The following CDK17 variants were observed in gnomAD, a reference collection of about 807,000 sequenced individuals.
CDK17 encodes cyclin dependent kinase 17, also known as cyclin-dependent kinase 17.
CDK17 carries 24 observed loss-of-function variants against 77.6 expected under a neutral mutation model. The observed-to-expected ratio is 0.31, with a 90% CI of 0.22 to 0.44. CDK17 has a LOEUF of 0.44. Among genes scored for constraint, CDK17 ranks in the 20% least tolerant of loss-of-function variants. The pLI is 1.00. For missense variants in CDK17, 429 were observed against 622.5 expected (o/e 0.69, Z 3.31); for synonymous variants, 203 against 210.4 (o/e 0.96, Z 0.30).
chr12:96,392,163 T>C (rs529246186), intron 1 of CDK17, among the ~76,000 whole-genome samples: 193 of 152,326 alleles, frequency 1.3e-3, no homozygotes, highest in African/African-American at 4.6e-3. Flanking sequence ...AAATACTATA[T>C]AGCAGAACCA....
At chr12:96,371,628 A>C (rs1264942471) in intron 1 of CDK17, among the ~76,000 whole-genome samples, 3 of 152,150 alleles carry the variant, frequency 2.0e-5, no homozygotes, top group Non-Finnish European at 4.4e-5. Context: ...GCTACTCAGG[A>C]GGCTGAGGCA....
chr12:96,284,248 A>T (rs1011828892), intron 13 of CDK17, among the ~76,000 whole-genome samples: 1 of 152,130 alleles, frequency 6.6e-6, no homozygotes, highest in Non-Finnish European at 1.5e-5. Flanking sequence ...AGGCGGGTGG[A>T]TCACGAGGTC....
chr12:96,360,644 T>C (rs1953478792), intron 1 of CDK17, among the ~76,000 whole-genome samples: 1 of 152,152 alleles, frequency 6.6e-6, no homozygotes, highest in South Asian at 2.1e-4. Flanking sequence ...ACATCAGCAC[T>C]GGCCTCAAGA....
At chr12:96,369,109 A>G (rs1271393443) in intron 1 of CDK17, among the ~76,000 whole-genome samples, 2 of 152,168 alleles carry the variant, frequency 1.3e-5, no homozygotes, top group African/African-American at 4.8e-5. Context: ...CAACTAACTC[A>G]GGACCAGTCC....
chr12:96,343,210 A>G (rs768989201), intron 1 of CDK17, among the ~76,000 whole-genome samples: 1 of 152,250 alleles, frequency 6.6e-6, no homozygotes, highest in African/African-American at 2.4e-5. Flanking sequence ...AACAACAAGA[A>G]TCAACTATCT....
chr12:96,298,619 C>T (rs536190838), intron 7 of CDK17, among the ~76,000 whole-genome samples: 1 of 152,148 alleles, frequency 6.6e-6, no homozygotes, highest in South Asian at 2.1e-4. Context: ...CCTCATGTAC[C>T]AATGTATAAC....
chr12:96,351,952 T>G (rs1340503778), intron 1 of CDK17, among the ~76,000 whole-genome samples: 4 of 152,110 alleles, frequency 2.6e-5, no homozygotes, highest in Admixed American at 1.3e-4. Flanking sequence ...AAAATCATAG[T>G]TTTTTAAACT....
chr12:96,355,802 G>C (rs1449487491), intron 1 of CDK17, among the ~76,000 whole-genome samples: 1 of 152,142 alleles, frequency 6.6e-6, no homozygotes, highest in Non-Finnish European at 1.5e-5. Context: ...TCAGCATTTA[G>C]AACAAATCCT....
intron 3 of CDK17, among the ~76,000 whole-genome samples, chr12:96,316,249 G>A (rs984023448): frequency 4.4e-4 from 67 of 152,240 alleles, no homozygotes; most frequent in African/African-American, 1.5e-3. Flanking sequence ...TTGTCAGACC[G>A]GCTTAAAAAA....
chr12:96,336,423 C>A (rs2137146036), intron 1 of CDK17, among the ~76,000 whole-genome samples: 1 of 152,254 alleles, frequency 6.6e-6, no homozygotes, highest in East Asian at 1.9e-4. Flanking sequence ...TACAAATGTG[C>A]CACTGCACTC....
At chr12:96,293,087 T>C (rs1952348308) in intron 10 of CDK17, among the ~76,000 whole-genome samples, 1 of 152,224 alleles carries the variant, frequency 6.6e-6, no homozygotes, top group African/African-American at 2.4e-5. Flanking sequence ...TATTATTTTC[T>C]CTTTAAAAAC....
intron 1 of CDK17, among the ~76,000 whole-genome samples, chr12:96,345,137 G>A (rs1953184837): frequency 6.6e-6 from 1 of 152,152 alleles, no homozygotes; most frequent in African/African-American, 2.4e-5. Flanking sequence ...CCTTAACCAT[G>A]TCCCTGCAAA....
At chr12:96,287,932 C>G (rs985821225) in intron 11 of CDK17, among the ~76,000 whole-genome samples, 2 of 152,076 alleles carry the variant, frequency 1.3e-5, no homozygotes, top group Non-Finnish European at 2.9e-5. Flanking sequence ...ACACACACTG[C>G]ATGATTCTAC....
At chr12:96,317,243 A>G (rs1952744040) in intron 3 of CDK17, among the ~76,000 whole-genome samples, 1 of 149,434 alleles carries the variant, frequency 6.7e-6, no homozygotes, top group Admixed American at 6.7e-5. Flanking sequence ...AGGGAAGTTT[A>G]GAGAAAAAAG....
intron 1 of CDK17, among the ~76,000 whole-genome samples, chr12:96,395,690 G>C (rs188493345): frequency 4.6e-5 from 7 of 152,306 alleles, no homozygotes; most frequent in Admixed American, 3.9e-4. Flanking sequence ...ATGGCTATTA[G>C]AGGTGGACCT....
intron 3 of CDK17, among the ~76,000 whole-genome samples, chr12:96,316,485 G>A (rs1565816708): frequency 6.7e-6 from 1 of 148,792 alleles, no homozygotes; most frequent in East Asian, 2.1e-4. Flanking sequence ...GCCTTTGTAG[G>A]CTCCACCTCT....
At chr12:96,316,635 T>G (rs1952724857) in intron 3 of CDK17, among the ~76,000 whole-genome samples, 1 of 132,296 alleles carries the variant, frequency 7.6e-6, no homozygotes, top group Non-Finnish European at 1.6e-5. Context: ...CCTCCTCAAG[T>G]GGGTCCCTGA....
intron 1 of CDK17, among the ~76,000 whole-genome samples, chr12:96,359,608 T>C (rs188815528): frequency 1.6e-4 from 25 of 152,324 alleles, no homozygotes; most frequent in Admixed American, 1.2e-3. Flanking sequence ...ATTCCTATCA[T>C]ATTCCCAAGA....
intron 1 of CDK17, among the ~76,000 whole-genome samples, chr12:96,341,527 A>G (rs1212042390): frequency 6.6e-6 from 1 of 152,244 alleles, no homozygotes; most frequent in Admixed American, 6.5e-5. Flanking sequence ...ATCAGTTATC[A>G]ACAATAAGTA....
Sources: allele counts gnomAD v4.1 joint callset (sites outside exome capture counted in the v4.1 genomes callset), GRCh38; gene constraint gnomAD v4.1.1; transcripts MANE v1.5; gene names NCBI Gene and HGNC (gene_info 2026-07-23, HGNC 2026-07-21).